The following BABAM2 variants were observed in gnomAD, a reference collection of about 807,000 sequenced individuals.
BABAM2 encodes BRISC and BRCA1-A complex member 2.
Under a neutral mutation model 54.7 loss-of-function variants are expected in BABAM2, and 31 were observed. The ratio of observed to expected loss-of-function variants is 0.57; its 90% CI spans 0.43 to 0.77. The LOEUF (loss-of-function observed/expected upper bound fraction) is 0.77. Among genes scored for constraint, BABAM2 ranks in the 30% least tolerant of loss-of-function variants. BABAM2 has a pLI of 0.00. For synonymous variants in BABAM2, 167 were observed against 162.9 expected, an observed-to-expected ratio of 1.03 and a Z score of -0.19; for missense variants, 364 against 455.8, an observed-to-expected ratio of 0.80 and a Z score of 1.83.
At chr2:28,238,026 T>C (rs1223158733) in intron 8 of BABAM2, among the ~76,000 whole-genome samples, 1 of 152,118 alleles carries the variant, frequency 6.6e-6, no homozygotes, top group Non-Finnish European at 1.5e-5. Context: ...ATTTTTATAT[T>C]TTTAGTAGAG....
chr2:28,151,077 G>T (rs77850701), intron 7 of BABAM2, among the ~76,000 whole-genome samples: 1 of 152,134 alleles, frequency 6.6e-6, no homozygotes, highest in Admixed American at 6.5e-5. Flanking sequence ...GATGGATGAA[G>T]TGCACTGAGG....
intron 6 of BABAM2, among the ~76,000 whole-genome samples, chr2:28,112,086 T>A (rs1051216723): frequency 2.1e-4 from 1 of 4,724 alleles, no homozygotes. Flanking sequence ...CCCATTACTC[T>A]TTCTTTCTTT....
rs191527324 is a variant in BABAM2 at position 28,053,388 on chromosome 2, G to A, written c.570+7589G>A. Among the ~76,000 whole-genome samples, 479 of 152,228 alleles carry A rather than the reference G, an allele frequency of 3.1e-3. 2 individuals are homozygous for A. Among genetic ancestry groups the A allele is most frequent in the Middle Eastern group, 3.4e-3 (1 of 294 alleles). On this transcript the variant is annotated intron_variant, in intron 6 of 11. Coordinates refer to ENST00000379624, the MANE Select transcript of BABAM2 (RefSeq NM_199191.3). ...GACCATAAAGAATTCACACAGAACC[G>A]TCATCTTCTTATCTTAAAGGAAATA... is the stretch of plus-strand genomic sequence containing the variant.
intron 11 of BABAM2, among the ~76,000 whole-genome samples, chr2:28,317,587 T>C (rs1689671228): frequency 6.6e-6 from 1 of 152,232 alleles, no homozygotes; most frequent in Non-Finnish European, 1.5e-5. Flanking sequence ...ACTCTTTTTA[T>C]TTTCTTATTC....
At chr2:28,131,070 A>ATTTTTTTTTTTTTT (rs757511616) in intron 7 of BABAM2, among the ~76,000 whole-genome samples, 1 of 6,954 alleles carries the variant, frequency 1.4e-4, no homozygotes, top group Admixed American at 2.0e-3. Flanking sequence ...TATTATTATT[A>ATTTTTTTTTTTTTT]TTATTATTAT....
intron 4 of BABAM2, among the ~76,000 whole-genome samples, chr2:27,988,457 T>C (rs1211224775): frequency 2.0e-5 from 3 of 151,932 alleles, no homozygotes; most frequent in Non-Finnish European, 4.4e-5. Context: ...GTTAGGAGAG[T>C]GTTTCTTGGC....
chr2:28,147,732 C>G (rs1364945685), intron 7 of BABAM2, among the ~76,000 whole-genome samples: 1 of 152,200 alleles, frequency 6.6e-6, no homozygotes, highest in Non-Finnish European at 1.5e-5. Context: ...CTCGGCCTCC[C>G]AAAGTGCTGG....
chr2:28,220,206 G>T (rs114900550), intron 7 of BABAM2, among the ~76,000 whole-genome samples: 1 of 152,138 alleles, frequency 6.6e-6, no homozygotes, highest in Non-Finnish European at 1.5e-5. Flanking sequence ...TTCAGAAATC[G>T]GATGGCCTGG....
At chr2:27,890,136 A>G, upstream of BABAM2, 2 of 830,066 alleles carry the variant, frequency 2.4e-6, no homozygotes, top group Non-Finnish European at 3.8e-6. This position sits in a 1 kb window ranked among gnomAD's most constrained non-coding sequence, Gnocchi z 4.8. Flanking sequence ...CCTGCAGCTC[A>G]TACCCAAAGC....
At chr2:27,952,278 G>A (rs1669789025) in intron 3 of BABAM2, among the ~76,000 whole-genome samples, 1 of 152,146 alleles carries the variant, frequency 6.6e-6, no homozygotes, top group African/African-American at 2.4e-5. Context: ...GGGATGTTTA[G>A]ACCATTTACA....
rs191535335 is a variant in BABAM2, at chr2:28,202,772, G to A, written c.681-34430G>A. On this transcript the variant is annotated intron_variant, in intron 7 of 11. Coordinates refer to ENST00000379624, the MANE Select transcript of BABAM2 (RefSeq NM_199191.3). ...CATCCTTTCTTTAGACTTAAAAAGAGAGAAAACAAAGACTTAAATAAACAT... is the reference window on the plus strand; with the variant it reads ...CATCCTTTCTTTAGACTTAAAAAGAAAGAAAACAAAGACTTAAATAAACAT... 1.8e-3 allele frequency among the ~76,000 whole-genome samples: 273 copies of A among 152,272 alleles called. 3 individuals carry two copies. The highest frequency in any genetic ancestry group is 6.3e-3 in the African/African-American group (262 of 41,548).
intron 3 of BABAM2, among the ~76,000 whole-genome samples, chr2:27,933,861 G>C (rs1668295700): frequency 6.8e-6 from 1 of 147,058 alleles, no homozygotes; most frequent in Non-Finnish European, 1.5e-5. Context: ...GTCAGCCTAA[G>C]TAGCTGAGAC....
chr2:28,210,489 A>C (rs1449139265), intron 7 of BABAM2, among the ~76,000 whole-genome samples: 1 of 152,208 alleles, frequency 6.6e-6, no homozygotes, highest in East Asian at 1.9e-4. Flanking sequence ...GTATTAAAGA[A>C]GGCCTTAGAG....
chr2:28,000,827 T>C (rs1440665130), intron 4 of BABAM2, among the ~76,000 whole-genome samples: 1 of 152,224 alleles, frequency 6.6e-6, no homozygotes, highest in Admixed American at 6.5e-5. Context: ...CCACTGGAAG[T>C]TCTTCCACTT....
At chr2:28,065,225 C>G (rs1679214965) in intron 6 of BABAM2, among the ~76,000 whole-genome samples, 1 of 152,148 alleles carries the variant, frequency 6.6e-6, no homozygotes, top group South Asian at 2.1e-4. Context: ...TTACCACTAT[C>G]ACCTCTTCTC....
intron 7 of BABAM2, among the ~76,000 whole-genome samples, chr2:28,190,198 T>G (rs1432256965): frequency 6.6e-6 from 1 of 152,242 alleles, no homozygotes; most frequent in Admixed American, 6.5e-5. Context: ...TTGTCTTAGT[T>G]CATTCAGGCT....
At position 28,279,087 on chromosome 2, in the gene BABAM2, C is replaced by T. The variant is rs112949994; in HGVS notation, c.935-19251C>T. Among the ~76,000 whole-genome samples, 44 of 152,308 alleles carry T rather than the reference C, an allele frequency of 2.9e-4. 1 individual carries two copies. Among genetic ancestry groups the T allele is most frequent in the African/African-American group, 1.0e-3 (43 of 41,576 alleles). On this transcript the variant is annotated intron_variant, in intron 10 of 11. Transcript: ENST00000379624. The stretch of plus-strand genomic sequence containing the variant: ...GAGGCTGCTTTACAGGATGAGAGAA[C>T]CTTCAGCATGATGAGAAGGAGCCGG...
At chr2:28,145,100 C>A (rs1227035226) in intron 7 of BABAM2, among the ~76,000 whole-genome samples, 2 of 152,202 alleles carry the variant, frequency 1.3e-5, no homozygotes, top group African/African-American at 4.8e-5. Context: ...AACAAGTACC[C>A]TTAGTGATTT....
intron 4 of BABAM2, among the ~76,000 whole-genome samples, chr2:28,002,155 A>G (rs1306473697): frequency 2.6e-5 from 4 of 152,102 alleles, no homozygotes; most frequent in Non-Finnish European, 5.9e-5. Flanking sequence ...GGCTTAAACA[A>G]TGTTATCAGG....
Sources: allele counts gnomAD v4.1 joint callset (sites outside exome capture counted in the v4.1 genomes callset), GRCh38; gene constraint gnomAD v4.1.1; non-coding constraint Gnocchi (gnomAD v3.1); transcripts MANE v1.5; gene names NCBI Gene and HGNC (gene_info 2026-07-23, HGNC 2026-07-21).